Variants in PTOV1 observed in about 807,000 individuals in gnomAD.
PTOV1 encodes PTOV1 extended AT-hook containing adaptor protein, also known as prostate tumor-overexpressed gene 1 protein.
PTOV1 carries 20 observed loss-of-function variants against 58.0 expected under a neutral mutation model. That is an observed-to-expected ratio of 0.34 (90% CI 0.24 to 0.50). The LOEUF is 0.50. Among genes scored for constraint, PTOV1 ranks in the 20% least tolerant of loss-of-function variants. The pLI is 0.98. For synonymous variants in PTOV1, 335 were observed against 234.2 expected (o/e 1.43, Z -3.93); for missense variants, 593 against 565.4 (o/e 1.05, Z -0.50).
chr19:49,858,491 G>T, intron 9 of PTOV1, 58 bp from the exon 10 acceptor site: 2 of 1,417,694 alleles, frequency 1.4e-6, no homozygotes, highest in Non-Finnish European at 1.9e-6. Context: ...AGCGGGCTGG[G>T]AGCCGGGAGG....
At chr19:49,851,599 T>G in intron 1 of PTOV1, 100 bp downstream of exon 1, 1 of 988,072 alleles carries the variant, frequency 1.0e-6, no homozygotes, top group Non-Finnish European at 1.3e-6. Context: ...CGCTCCGGGG[T>G]GTCCCCTGTG....
rs1162731234 is a variant in PTOV1, at chr19:49,851,749, G to T, written c.171+250G>T. Reference sequence around the variant, plus strand: ...GGCGGGGCGGGCTCATATTACTGCTGACTCCGCGGCCCGATTTAAACGCGG... The same window carrying T: ...GGCGGGGCGGGCTCATATTACTGCTTACTCCGCGGCCCGATTTAAACGCGG... On this transcript the variant is annotated intron_variant, in intron 1 of 11. Coordinates refer to ENST00000391842, the Ensembl canonical transcript of PTOV1. The T allele has an allele frequency of 2.7e-6, 3 of 1,095,794 alleles. No individual in the cohort carries two copies. In the African/African-American group the frequency reaches 5.0e-5, roughly 18 times the overall value. 67.9% of individuals were successfully genotyped at this position (1,095,794 alleles called of 1,614,324 possible).
intron 1 of PTOV1, among the ~76,000 whole-genome samples, chr19:49,853,702 C>A (rs2074349001): frequency 6.6e-6 from 1 of 152,160 alleles, no homozygotes; most frequent in African/African-American, 2.4e-5. Context: ...AGAACTTTCT[C>A]TTGGTGTTCT....
At position 49,857,891 on chromosome 19, in the gene PTOV1, T is replaced by C. The variant is rs1220405878; in HGVS notation, c.805-13T>C. The C allele has an allele frequency of 6.2e-7, 1 of 1,612,978 alleles. No individual in the cohort carries two copies. Among genetic ancestry groups the C allele is most frequent in the Non-Finnish European group, 8.5e-7 (1 of 1,179,334 alleles). ...CCAGCCCTGAGGGCTCCTCTTTGCCTCTCCCCCAAAAGCCCAGGCCTGAGC... is the reference window on the plus strand; with the variant it reads ...CCAGCCCTGAGGGCTCCTCTTTGCCCCTCCCCCAAAAGCCCAGGCCTGAGC... On this transcript the variant is annotated splice_polypyrimidine_tract_variant and intron_variant, in intron 7 of 11. Transcript: ENST00000391842.
At chr19:49,858,614 G>A (rs367791274) in exon 10 of PTOV1, 66 of 1,605,126 alleles carry the variant, frequency 4.1e-5, no homozygotes, top group Non-Finnish European at 5.1e-5. Flanking sequence ...AGGACCTGGA[G>A]ACACTGAAGA....
chr19:49,857,234 T>C, intron 6 of PTOV1, 104 bp downstream of exon 6: 2 of 1,477,300 alleles, frequency 1.4e-6, no homozygotes, highest in South Asian at 1.2e-5. Flanking sequence ...ATGCGATGGC[T>C]GGAGCAAGGA....
intron 5 of PTOV1, 78 bp from the exon 6 acceptor site, chr19:49,856,897 A>G (rs775871528): frequency 6.7e-5 from 104 of 1,547,210 alleles, no homozygotes; most frequent in Admixed American, 1.2e-4. Context: ...CATCCCCTAC[A>G]GGTGGGGCGG....
chr19:49,857,263 G>A, intron 6 of PTOV1, 133 bp downstream of exon 6: 1 of 1,312,496 alleles, frequency 7.6e-7, no homozygotes, highest in Non-Finnish European at 1.1e-6. Context: ...GGAGCCCGGA[G>A]GATGCCGGGC....
exon 12 of PTOV1, chr19:49,860,519 C>T: frequency 1.6e-6 from 1 of 641,934 alleles, no homozygotes. Flanking sequence ...AGGTGGTATC[C>T]AGGCCTGGGT....
At chr19:49,851,897 C>T in intron 1 of PTOV1, 1 of 985,352 alleles carries the variant, frequency 1.0e-6, no homozygotes, top group Non-Finnish European at 1.2e-6. Flanking sequence ...GAGGGAGGGG[C>T]CCGCGCTTTG....
rs200093853 is a variant in PTOV1 at position 49,857,649 on chromosome 19, C to G, written c.715-44C>G. On this transcript the variant is annotated intron_variant, in intron 6 of 11. Coordinates refer to ENST00000391842, the Ensembl canonical transcript of PTOV1. Reference sequence around the variant, plus strand: ...GCCCCAGGACAGACAGACAGGTTTCCCAGGAGCCTGGGCCCCTCTTCCCAC... The same window carrying G: ...GCCCCAGGACAGACAGACAGGTTTCGCAGGAGCCTGGGCCCCTCTTCCCAC... 8.6e-4 allele frequency: 1,346 copies of G among 1,572,098 alleles called. 2 individuals are homozygous for G. Among genetic ancestry groups the G allele is most frequent in the Non-Finnish European group, 1.1e-3 (1,259 of 1,147,812 alleles).
chr19:49,858,866 C>A lies in PTOV1; in HGVS notation c.1041+213C>A, dbSNP rs966812977. 9.4e-6 allele frequency: 5 copies of A among 531,212 alleles called. 1 individual carries two copies. Among genetic ancestry groups the A allele is most frequent in the African/African-American group, 5.7e-5 (3 of 52,768 alleles). 32.9% of individuals were successfully genotyped at this position (531,212 alleles called of 1,614,324 possible). A position where few individuals can be genotyped will look rare whatever the true frequency, so the allele number is the denominator to read the frequency against. ...ACCCTGGTTCTGCGGGGGCCTGCTC[C>A]TCCTCTGCCACATCAGGGCTGACTC... On this transcript the variant is annotated intron_variant, in intron 10 of 11. Transcript: ENST00000391842.
chr19:49,854,957 C>G lies in PTOV1; in HGVS notation c.451-13C>G, dbSNP rs1339861892. On this transcript the variant is annotated splice_polypyrimidine_tract_variant and intron_variant, in intron 4 of 11. Coordinates refer to ENST00000391842, the Ensembl canonical transcript of PTOV1. ...TGCCTGGCTGACCCAGCTGTCTGTC[C>G]TGTCGCCCCCAGACCACCCTGGGCC... 6.3e-7 allele frequency: 1 copy of G among 1,575,962 alleles called. No homozygotes were observed.
rs900947999 is a variant in PTOV1 at position 49,851,646 on chromosome 19, C to G, written c.171+147C>G. 4 of 1,034,576 alleles carry G rather than the reference C, an allele frequency of 3.9e-6. No homozygotes were observed. The African/African-American group carries it at 6.8e-5, about 18-fold the overall frequency. The allele number at this position is 1,034,576 out of a possible 1,614,324, so 64.1% of individuals were successfully genotyped here. On this transcript the variant is annotated intron_variant, in intron 1 of 11. Transcript: ENST00000391842. ...GGTCCCGCCCGGGGCCGGGTTCCCC[C>G]GTGGAGCACCCGGTGGTTCGCGCCG...
intron 6 of PTOV1, chr19:49,857,382 A>G (rs982185677): frequency 1.6e-6 from 1 of 619,024 alleles, no homozygotes; most frequent in Admixed American, 2.9e-5. Context: ...GGAGCTGGGC[A>G]GGGGTTGGGA....
intron 9 of PTOV1, 128 bp downstream of exon 9, chr19:49,858,242 G>C: frequency 1.6e-6 from 2 of 1,241,886 alleles, no homozygotes; most frequent in Non-Finnish European, 1.1e-6. Context: ...GGGTGCTGAA[G>C]CAGGTGTGGT....
chr19:49,860,527 GGTGGGGCCAGGCCTCTGCTCACAGGGAT>G (rs2074711681), exon 12 of PTOV1: 1 of 619,972 alleles, frequency 1.6e-6, no homozygotes, highest in Non-Finnish European at 2.8e-6. Context: ...TCCAGGCCTG[GGTGGGGCCAGGCCTCTGCTCACAGGGAT>G]GTGGGGTCAG....
rs769461066 is a variant in PTOV1, at chr19:49,854,480, C to G, written c.246C>G (p.Ala82=). The stretch of plus-strand genomic sequence containing the variant: ...CTGGGCTCACCCTCGGGGGTCTGGC[C>G]GTGAGCGAGCACCGGCTCAGCAACA... The change falls in exon 2 of 12, where the codon GCC becomes GCG. Residue 82 remains alanine, a synonymous_variant. Coordinates refer to ENST00000391842, the Ensembl canonical transcript of PTOV1. The G allele has an allele frequency of 2.5e-6, 4 of 1,612,608 alleles. No homozygotes were observed. The East Asian group carries it at 6.7e-5, about 27-fold the overall frequency.
chr19:49,860,381 TG>T (rs577978306), exon 12 of PTOV1: 532 of 319,318 alleles, frequency 1.7e-3, no homozygotes, highest in East Asian at 2.3e-3. Context: ...CTGGGGCATG[TG>T]GGGGGGGTGG....
Sources: allele counts gnomAD v4.1 joint callset (sites outside exome capture counted in the v4.1 genomes callset), GRCh38; gene constraint gnomAD v4.1.1; transcripts MANE v1.5; gene names NCBI Gene and HGNC (gene_info 2026-07-23, HGNC 2026-07-21).